The following UBR3 variants were observed in gnomAD, a reference collection of about 807,000 sequenced individuals.
The protein encoded by UBR3 is ubiquitin protein ligase E3 component n-recognin 3, also known as E3 ubiquitin-protein ligase UBR3.
UBR3 carries 85 observed loss-of-function variants against 243.2 expected under a neutral mutation model. The observed-to-expected ratio is 0.35, with a 90% CI of 0.29 to 0.42. The LOEUF (loss-of-function observed/expected upper bound fraction) is 0.42, where lower values mean the gene tolerates loss of function less well. Ranked by LOEUF, UBR3 falls within the 10% of genes least tolerant of loss-of-function variation. The pLI is 1.00. For synonymous variants in UBR3, 748 were observed against 799.8 expected (o/e 0.94, Z 1.09); for missense variants, 1,686 against 2,300.8 (o/e 0.73, Z 5.47).
At chr2:170,021,053 G>A (rs1187250547) in intron 30 of UBR3, among the ~76,000 whole-genome samples, 1 of 152,090 alleles carries the variant, frequency 6.6e-6, no homozygotes, top group African/African-American at 2.4e-5. Context: ...TTAAAGGATG[G>A]TGATATTAAA....
rs2086324793 is a variant in UBR3 at position 169,936,266 on chromosome 2, T to G, written c.2663+3258T>G. On this transcript the variant is annotated intron_variant, in intron 19 of 38. Transcript: ENST00000272793. Reference sequence around the variant, plus strand: ...TAGAGATGGGGTTTCTCCATGTTGGTCAGTCTGGTCTCGAACTCCCGACCT... The same window carrying G: ...TAGAGATGGGGTTTCTCCATGTTGGGCAGTCTGGTCTCGAACTCCCGACCT... Among the ~76,000 whole-genome samples, 3 of 152,108 alleles carry G rather than the reference T, an allele frequency of 2.0e-5. No homozygotes were observed. The South Asian group carries it at 6.2e-4, about 32-fold the overall frequency.
At chr2:169,890,581 G>GTGTGTATATATATATGTA (rs1553504582) in intron 5 of UBR3, among the ~76,000 whole-genome samples, 22 of 96,524 alleles carry the variant, frequency 2.3e-4, no homozygotes, top group African/African-American at 1.0e-3. Context: ...ATATATATAT[G>GTGTGTATATATATATGTA]TATATATATA....
At chr2:169,915,218 C>T (rs2085413994) in intron 11 of UBR3, among the ~76,000 whole-genome samples, 1 of 149,080 alleles carries the variant, frequency 6.7e-6, no homozygotes, top group Non-Finnish European at 1.5e-5. Context: ...CCCAGTCTTT[C>T]TTTGCATTTT....
At chr2:169,876,084 C>CTTT (rs547614070) in intron 3 of UBR3, 135 bp downstream of exon 3, 425 of 418,028 alleles carry the variant, frequency 1.0e-3, no homozygotes, top group East Asian at 2.0e-3. Context: ...AAGAGAACTT[C>CTTT]TTTTTTTTTT....
In UBR3 at chr2:170,007,154, A is replaced by T. The variant is rs372810667; in HGVS notation, c.4194A>T (p.Glu1398Asp). The change falls in exon 28 of 39, where the codon GAA (glutamate) becomes GAT (aspartate). Residue 1398 changes from glutamate (E) to aspartate (D), a missense_variant. By Grantham distance (45) the Glu-to-Asp change is conservative (BLOSUM62 2). This residue lies in a region of UBR3 where 371 missense variants were observed against 422.5 expected (regional missense o/e 0.88). Coordinates refer to ENST00000272793, the MANE Select transcript of UBR3 (RefSeq NM_172070.4). Reference sequence around the variant, plus strand: ...AAAGCATACAAGATCTCATAAAGGAAGTGGAGGAGCTGCAGGGACGACCGG... The same window carrying T: ...AAAGCATACAAGATCTCATAAAGGATGTGGAGGAGCTGCAGGGACGACCGG... ...SNKSIQDLIK[E>D]VEELQGRPGA... 3.7e-6 allele frequency: 6 copies of T among 1,611,612 alleles called. No individual in the cohort carries two copies. The highest frequency in any genetic ancestry group is 5.1e-6 in the Non-Finnish European group (6 of 1,179,004).
intron 36 of UBR3, chr2:170,078,204 C>T (rs2091849967): frequency 5.8e-6 from 3 of 513,012 alleles, no homozygotes; most frequent in Non-Finnish European, 1.1e-5. Flanking sequence ...TCATAAGCCT[C>T]TCAACTTTCC....
At position 169,949,634 on chromosome 2, in the gene UBR3, A is replaced by G. The variant is rs2086928575; in HGVS notation, c.3114A>G (p.Leu1038=). ...QNSGTAQVFS[L]VAERRKKFQE... ...CTGGTACAGCTCAAGTTTTCAGTTT[A>G]GTAGCAGAACGTAGAAAGAAATTTC... The change falls in exon 23 of 39, where the codon TTA becomes TTG. Residue 1038 remains leucine, a synonymous_variant. Transcript: ENST00000272793. 8 of 1,548,420 alleles carry G rather than the reference A, an allele frequency of 5.2e-6. No homozygotes were observed. Among genetic ancestry groups the G allele is most frequent in the Non-Finnish European group, 7.0e-6 (8 of 1,145,662 alleles).
At chr2:169,858,053 C>G (rs945391481) in intron 1 of UBR3, among the ~76,000 whole-genome samples, 2 of 152,200 alleles carry the variant, frequency 1.3e-5, no homozygotes, top group Non-Finnish European at 2.9e-5. Context: ...ACAAATCACT[C>G]TAAAACTGAG....
intron 1 of UBR3, among the ~76,000 whole-genome samples, chr2:169,861,617 A>AAG (rs1553496559): frequency 9.9e-5 from 15 of 151,358 alleles, no homozygotes; most frequent in Non-Finnish European, 2.1e-4. Flanking sequence ...AAAAAAAAAA[A>AAG]AAAAGAAAAG....
intron 30 of UBR3, among the ~76,000 whole-genome samples, chr2:170,024,018 AC>A (rs2090461236): frequency 6.6e-6 from 1 of 152,126 alleles, no homozygotes; most frequent in South Asian, 2.1e-4. Flanking sequence ...CTTTGGGATA[AC>A]TCTTTAATGT....
intron 30 of UBR3, chr2:170,016,715 A>G (rs1306967867): frequency 5.3e-6 from 1 of 188,148 alleles, no homozygotes; most frequent in Non-Finnish European, 1.2e-5. Flanking sequence ...ACTTATCTAG[A>G]GGCTTGTAAA....
At chr2:169,916,395 C>T (rs1340895564) in intron 11 of UBR3, among the ~76,000 whole-genome samples, 1 of 152,048 alleles carries the variant, frequency 6.6e-6, no homozygotes, top group Non-Finnish European at 1.5e-5. Flanking sequence ...CTCTCTTTCC[C>T]CTGCATGGAT....
At chr2:169,887,590 A>T (rs2084152043) in intron 5 of UBR3, among the ~76,000 whole-genome samples, 1 of 152,206 alleles carries the variant, frequency 6.6e-6, no homozygotes, top group Admixed American at 6.5e-5. Context: ...TGGAACAAGT[A>T]GTATTGGAAA....
intron 10 of UBR3, among the ~76,000 whole-genome samples, chr2:169,909,743 A>ATG (rs1039980703): frequency 3.3e-5 from 5 of 149,944 alleles, no homozygotes; most frequent in African/African-American, 4.9e-5. Context: ...GTGTGTGTGT[A>ATG]TATATATATA....
At chr2:169,966,295 G>A (rs886471404) in intron 24 of UBR3, among the ~76,000 whole-genome samples, 1 of 152,082 alleles carries the variant, frequency 6.6e-6, no homozygotes, top group Non-Finnish European at 1.5e-5. Context: ...ACAGAATTAC[G>A]TTCCCAGTGA....
In UBR3 at chr2:170,031,620, T is replaced by C. The variant is rs578072361; in HGVS notation, c.4556+2172T>C. On this transcript the variant is annotated intron_variant, in intron 31 of 38. Transcript: ENST00000272793. ...TGCTGAGGTTTGGGGTGTGATTGTT[T>C]TTATCATCCAGGTGTAGTGAGCATA... Among the ~76,000 whole-genome samples, 18 of 152,226 alleles carry C rather than the reference T, an allele frequency of 1.2e-4. 1 individual carries two copies. The Middle Eastern group carries it at 0.01, about 86-fold the overall frequency.
intron 10 of UBR3, among the ~76,000 whole-genome samples, chr2:169,911,916 A>T (rs2085268312): frequency 6.6e-6 from 1 of 152,222 alleles, no homozygotes; most frequent in South Asian, 2.1e-4. Flanking sequence ...GACAAATCTC[A>T]TATAGCATAG....
At chr2:169,898,834 T>G (rs1377724242) in intron 8 of UBR3, among the ~76,000 whole-genome samples, 2 of 151,700 alleles carry the variant, frequency 1.3e-5, no homozygotes, top group East Asian at 3.9e-4. Flanking sequence ...CCCGAGTAGC[T>G]GGGACTACAG....
rs1369321466 is a variant in UBR3, at chr2:169,949,954, A to G, written c.3434A>G (p.Gln1145Arg). Residue 1145 changes from glutamine (Q) to arginine (R), a missense_variant, in exon 23 of 39, where the codon CAA becomes CGA. Coordinates refer to ENST00000272793, the MANE Select transcript of UBR3 (RefSeq NM_172070.4). The stretch of plus-strand genomic sequence containing the variant: ...AGAATTTTACTAAAAGCTGCATCGC[A>G]AAGTAGAATGAACAAACGCATCATT... ...VERILLKAAS[Q>R]SRMNKRIIEE... 2.5e-6 allele frequency: 4 copies of G among 1,613,888 alleles called. No homozygotes were observed. The highest frequency in any genetic ancestry group is 1.1e-5 in the South Asian group (1 of 91,060).
Sources: gnomAD v4.1 joint callset for allele counts (sites outside exome capture counted in the v4.1 genomes callset) on GRCh38, gnomAD v4.1.1 for gene constraint, gnomAD v4.1.1 regional missense constraint, MANE v1.5 for transcripts, NCBI Gene and HGNC (gene_info 2026-07-23, HGNC 2026-07-21) for gene names.